The following NUBPL variants were observed in gnomAD, a reference collection of about 807,000 sequenced individuals.
The protein encoded by NUBPL is NUBP iron-sulfur cluster assembly factor, mitochondrial.
Under a neutral mutation model 45.7 loss-of-function variants are expected in NUBPL, and 31 were observed. The observed-to-expected ratio is 0.68, with a 90% CI of 0.51 to 0.92. The LOEUF (loss-of-function observed/expected upper bound fraction) is 0.92. Among genes scored for constraint, NUBPL ranks in the 40% least tolerant of loss-of-function variants. The probability of loss-of-function intolerance (pLI) is 0.00; values close to 1 mark genes in which losing one functional copy is unlikely to be tolerated. For synonymous variants in NUBPL, 144 were observed against 140.9 expected (o/e 1.02, Z -0.15); for missense variants, 401 against 398.7 (o/e 1.01, Z -0.05).
chr14:31,732,105 A>T (rs2038061725), intron 6 of NUBPL, among the ~76,000 whole-genome samples: 1 of 149,762 alleles, frequency 6.7e-6, no homozygotes, highest in South Asian at 2.1e-4. Context: ...GAGGCAGGAG[A>T]ATGGCGTGAA....
chr14:31,571,600 C>T (rs531734930), intron 3 of NUBPL, among the ~76,000 whole-genome samples: 2 of 152,194 alleles, frequency 1.3e-5, no homozygotes, highest in Admixed American at 6.5e-5. Context: ...CAGGCAAGCA[C>T]CACCATGCCT....
At chr14:31,581,822 G>GTT (rs1174485756) in intron 3 of NUBPL, among the ~76,000 whole-genome samples, 1 of 152,158 alleles carries the variant, frequency 6.6e-6, no homozygotes. Context: ...ATGAAACTGG[G>GTT]TAAGTTTACC....
At chr14:31,704,826 G>T (rs933950146) in intron 6 of NUBPL, among the ~76,000 whole-genome samples, 1 of 152,126 alleles carries the variant, frequency 6.6e-6, no homozygotes, top group East Asian at 1.9e-4. Flanking sequence ...CAGTGTGTCT[G>T]GAATTGGTGG....
chr14:31,695,787 A>C (rs948173396), intron 6 of NUBPL, among the ~76,000 whole-genome samples: 1 of 152,230 alleles, frequency 6.6e-6, no homozygotes, highest in Non-Finnish European at 1.5e-5. Flanking sequence ...TAAATTACCC[A>C]GTCTGTGGTA....
intron 6 of NUBPL, chr14:31,686,667 G>A (rs540102038): frequency 1.3e-5 from 2 of 152,222 alleles, no homozygotes; most frequent in East Asian, 3.9e-4. Flanking sequence ...CCATATCCTC[G>A]CCAGCATTTG....
chr14:31,704,664 TAAA>T (rs111698574), intron 6 of NUBPL, among the ~76,000 whole-genome samples: 1 of 145,648 alleles, frequency 6.9e-6, no homozygotes, highest in African/African-American at 2.5e-5. Context: ...AACTCCATCT[TAAA>T]AAAAAAAAAG....
Position 31,792,777 on chromosome 14 carries a change from G to T in NUBPL, c.607+4904G>T, listed in dbSNP as rs145643283. On this transcript the variant is annotated intron_variant, in intron 7 of 10. Coordinates refer to ENST00000281081, the MANE Select transcript of NUBPL (RefSeq NM_025152.3). ...GGGAATTTGGGGAGCATGTGATTGT[G>T]TCTATGTGTGTGTTAAAGCCTTAGT... Among the ~76,000 whole-genome samples, 8 of 152,260 alleles carry T rather than the reference G, an allele frequency of 5.3e-5. No homozygotes were observed. In the East Asian group the frequency reaches 1.5e-3, roughly 29 times the overall value.
chr14:31,822,192 G>A (rs933240871), intron 7 of NUBPL, among the ~76,000 whole-genome samples: 2 of 152,048 alleles, frequency 1.3e-5, no homozygotes. Context: ...AAGTTTAATT[G>A]TATTGGTTAT....
chr14:31,849,057 A>G (rs1042947907), intron 9 of NUBPL, among the ~76,000 whole-genome samples: 3 of 152,184 alleles, frequency 2.0e-5, no homozygotes, highest in Admixed American at 6.5e-5. Flanking sequence ...CTAAAATATC[A>G]TGTATTTGTC....
chr14:31,667,719 C>G (rs967759411), intron 4 of NUBPL: 2 of 152,090 alleles, frequency 1.3e-5, no homozygotes, highest in Non-Finnish European at 2.9e-5. Flanking sequence ...TGCTGATGAC[C>G]TTTGGATAGG....
chr14:31,721,846 C>T (rs896089174), intron 6 of NUBPL, among the ~76,000 whole-genome samples: 4 of 151,986 alleles, frequency 2.6e-5, no homozygotes, highest in African/African-American at 9.7e-5. Context: ...AGCTCCCTCA[C>T]TTATAAGTGA....
chr14:31,593,149 C>G (rs2034187833), intron 3 of NUBPL, among the ~76,000 whole-genome samples: 1 of 151,984 alleles, frequency 6.6e-6, no homozygotes. Context: ...TATAAGTAAT[C>G]TAGAGATGAT....
intron 6 of NUBPL, among the ~76,000 whole-genome samples, chr14:31,698,317 G>A (rs1027172470): frequency 2.0e-5 from 3 of 150,414 alleles, no homozygotes; most frequent in African/African-American, 4.9e-5. Flanking sequence ...CATCTTTGCC[G>A]TCATTGCTGC....
At chr14:31,848,234 A>G (rs2040483811) in intron 9 of NUBPL, among the ~76,000 whole-genome samples, 1 of 152,198 alleles carries the variant, frequency 6.6e-6, no homozygotes, top group Non-Finnish European at 1.5e-5. Context: ...ATTCCTCGTT[A>G]GGGCACGTCC....
At chr14:31,569,175 T>C (rs2139457066) in intron 3 of NUBPL, among the ~76,000 whole-genome samples, 1 of 152,172 alleles carries the variant, frequency 6.6e-6, no homozygotes, top group East Asian at 1.9e-4. Flanking sequence ...TACCTCTACC[T>C]TGTAGATTGA....
chr14:31,686,785 G>T (rs1007764050), intron 6 of NUBPL: 3 of 152,156 alleles, frequency 2.0e-5, no homozygotes, highest in African/African-American at 7.2e-5. Flanking sequence ...TATATGTGCT[G>T]CTGAAGTGAG....
chr14:31,772,243 G>GA (rs1361849454), intron 6 of NUBPL, among the ~76,000 whole-genome samples: 2 of 152,014 alleles, frequency 1.3e-5, no homozygotes, highest in African/African-American at 4.8e-5. Context: ...ACTCCTACTG[G>GA]AAAAAATTTG....
chr14:31,770,882 A>T (rs1240850654), intron 6 of NUBPL, among the ~76,000 whole-genome samples: 1 of 152,216 alleles, frequency 6.6e-6, no homozygotes, highest in Non-Finnish European at 1.5e-5. Context: ...CTTAAAATAA[A>T]ACTGCATATA....
chr14:31,624,348 A>T (rs74589678), intron 4 of NUBPL, among the ~76,000 whole-genome samples: 1 of 152,066 alleles, frequency 6.6e-6, no homozygotes, highest in African/African-American at 2.4e-5. Flanking sequence ...TTAGGTTATG[A>T]TATGTTGAAT....
Sources: gnomAD v4.1 joint callset for allele counts (sites outside exome capture counted in the v4.1 genomes callset) on GRCh38, gnomAD v4.1.1 for gene constraint, MANE v1.5 for transcripts, NCBI Gene and HGNC (gene_info 2026-07-23, HGNC 2026-07-21) for gene names.